The following SLC4A2 variants were observed in gnomAD, a reference collection of about 807,000 sequenced individuals.
SLC4A2 encodes the protein anion exchange protein 2.
Under a neutral mutation model 115.0 loss-of-function variants are expected in SLC4A2, and 36 were observed. The ratio of observed to expected loss-of-function variants is 0.31; its 90% CI spans 0.24 to 0.41. The LOEUF is 0.41. Among genes scored for constraint, SLC4A2 ranks in the 10% least tolerant of loss-of-function variants. The probability of loss-of-function intolerance (pLI) is 1.00; values close to 1 mark genes in which losing one functional copy is unlikely to be tolerated. For synonymous variants in SLC4A2, 708 were observed against 708.3 expected (o/e 1.00, Z 0.01); for missense variants, 1,252 against 1,705.6 (o/e 0.73, Z 4.68).
chr7:151,072,180 C>T (rs1331782097), intron 16 of SLC4A2, 44 bp downstream of exon 16: 2 of 1,561,616 alleles, frequency 1.3e-6, no homozygotes, highest in Admixed American at 1.7e-5. Flanking sequence ...GGGCCGAGGT[C>T]TCAGGGCTGG....
chr7:151,063,236 CCAGGGCTCGGGCCGGGGGCCTGGGG>C (rs1319971326), intron 2 of SLC4A2: 1 of 1,285,764 alleles, frequency 7.8e-7, no homozygotes, highest in Non-Finnish European at 1.0e-6. Flanking sequence ...GGGACCTGGC[CCAGGGCTCGGGCCGGGGGCCTGGGG>C]GCTGGGGGAG....
chr7:151,069,943 C>G lies in SLC4A2; in HGVS notation c.1148-4C>G, dbSNP rs777652126. On this transcript the variant is annotated splice_polypyrimidine_tract_variant and splice_region_variant and intron_variant, in intron 8 of 22. Coordinates refer to ENST00000413384, the MANE Select transcript of SLC4A2 (RefSeq NM_003040.4). ...GAGGGGCCCTCTGTGCCATCTTATG[C>G]TAGGGGCTGTGCTCTTGGATCTGGA... 6.2e-7 allele frequency: 1 copy of G among 1,613,836 alleles called. No homozygotes were observed.
chr7:151,058,545 C>T (rs967607528), upstream of SLC4A2: 6 of 152,490 alleles, frequency 3.9e-5, no homozygotes, highest in Non-Finnish European at 8.8e-5. Flanking sequence ...GGACACACGC[C>T]AAAGACCCCC....
At position 151,076,319 on chromosome 7, in the gene SLC4A2, T is replaced by C. The variant is rs1797642127; in HGVS notation, c.3678T>C (p.Asp1226=). Residue 1226 remains aspartate, a synonymous_variant, in exon 23 of 23, where the codon GAT becomes GAC. Coordinates refer to ENST00000413384, the MANE Select transcript of SLC4A2 (RefSeq NM_003040.4). ...CTAACGAGGCAGAGCCGGTGTTTGA[T>C]GAGCGGGAGGGTGTGGACGAGTACA... The part of the protein sequence containing the change: ...LDANEAEPVF[D]EREGVDEYNE... The C allele has an allele frequency of 6.5e-7, 1 of 1,547,088 alleles. No individual in the cohort carries two copies. The highest frequency in any genetic ancestry group is 8.7e-7 in the Non-Finnish European group (1 of 1,144,250).
In SLC4A2 at chr7:151,062,031, T is replaced by G; in HGVS notation, c.44T>G (p.Phe15Cys). The change falls in exon 2 of 23, where the codon TTC becomes TGC. Residue 15 changes from phenylalanine (F) to cysteine (C), a missense_variant. Coordinates refer to ENST00000413384, the MANE Select transcript of SLC4A2 (RefSeq NM_003040.4). ...PRRPAKGADSFCTPEPESLGP... is the reference protein window; with the variant it reads ...PRRPAKGADSCCTPEPESLGP... ...CGCCCCGCCAAGGGCGCAGATTCTT[T>G]CTGTACGGTGAGTGTGGCCCCCAGG... The G allele has an allele frequency of 1.2e-6, 2 of 1,610,902 alleles. No individual in the cohort carries two copies. Among genetic ancestry groups the G allele is most frequent in the Non-Finnish European group, 1.7e-6 (2 of 1,179,642 alleles).
At chr7:151,062,124 GGTGTGAGCGT>G (rs1216727498) in intron 2 of SLC4A2, 86 bp downstream of exon 2, 24 of 1,001,610 alleles carry the variant, frequency 2.4e-5, no homozygotes, top group Non-Finnish European at 2.8e-5. Context: ...GCCAACCAGG[GGTGTGAGCGT>G]GTGTGAGTGT....
At chr7:151,066,496 A>G (rs1797236972) in intron 5 of SLC4A2, 21 bp from the exon 6 acceptor site, 1 of 1,477,860 alleles carries the variant, frequency 6.8e-7, no homozygotes, top group Non-Finnish European at 9.0e-7. Flanking sequence ...TCTCGGGCTC[A>G]CGGCCATTCT....
At position 151,070,496 on chromosome 7, in the gene SLC4A2, C is replaced by T. The variant is rs775566263; in HGVS notation, c.1489C>T (p.Arg497Cys). Residue 497 changes from arginine to cysteine, a missense_variant, in exon 11 of 23, where the codon CGC becomes TGC. Transcript: ENST00000413384. Reference protein sequence around the residue: ...PPPAPPAGITRSKSKHELKLL... With the variant: ...PPPAPPAGITCSKSKHELKLL... The stretch of plus-strand genomic sequence containing the variant: ...TCCAGCACCACCAGCTGGCATCACC[C>T]GCTCCAAGTCCAAGCACGAGCTGAA... 1.9e-6 allele frequency: 3 copies of T among 1,613,626 alleles called. No homozygotes were observed. Among genetic ancestry groups the T allele is most frequent in the Middle Eastern group, 1.7e-4 (1 of 6,058 alleles).
chr7:151,064,737 G>T lies in SLC4A2; in HGVS notation c.429G>T (p.Pro143=). The T allele has an allele frequency of 6.2e-7, 1 of 1,610,962 alleles. No individual in the cohort carries two copies. Among genetic ancestry groups the T allele is most frequent in the African/African-American group, 1.3e-5 (1 of 74,968 alleles). Residue 143 remains proline, a synonymous_variant, in exon 4 of 23, where the codon CCG becomes CCT. Coordinates refer to ENST00000413384, the MANE Select transcript of SLC4A2 (RefSeq NM_003040.4). ...EAEGARALTQ[P]SPVSTPSSVQ... ...AGGGGGCCCGGGCTCTCACTCAGCCGTCCCCTGTCTCCACACCCTCCTCGG... is the reference window on the plus strand; with the variant it reads ...AGGGGGCCCGGGCTCTCACTCAGCCTTCCCCTGTCTCCACACCCTCCTCGG...
Position 151,075,715 on chromosome 7 carries a change from G to A in SLC4A2, c.3411G>A (p.Glu1137=). The change falls in exon 21 of 23, where the codon GAG becomes GAA. Residue 1137 remains glutamate, a synonymous_variant. Transcript: ENST00000413384. The part of the protein sequence containing the change: ...VTSLNGIQFY[E]RLHLLLMPPK... ...CCCTTAACGGGATCCAGTTCTATGA[G>A]CGGCTGCATCTGCTGCTCATGCCGC... 2 of 1,611,584 alleles carry A rather than the reference G, an allele frequency of 1.2e-6. No individual in the cohort carries two copies. Among genetic ancestry groups the A allele is most frequent in the Non-Finnish European group, 1.7e-6 (2 of 1,178,082 alleles).
At position 151,072,273 on chromosome 7, in the gene SLC4A2, C is replaced by A. The variant is rs1797467636; in HGVS notation, c.2535+137C>A. On this transcript the variant is annotated intron_variant, in intron 16 of 22. Coordinates refer to ENST00000413384, the MANE Select transcript of SLC4A2 (RefSeq NM_003040.4). ...CGGGGCTTGTTGCCAACACGTATACCAGGGCTGCAGATTACTCTTTTAATT... is the reference window on the plus strand; with the variant it reads ...CGGGGCTTGTTGCCAACACGTATACAAGGGCTGCAGATTACTCTTTTAATT... The A allele has an allele frequency of 1.2e-5, 8 of 657,084 alleles. No individual in the cohort carries two copies. In the South Asian group the frequency reaches 1.5e-4, roughly 12 times the overall value. The allele number at this position is 657,084 out of a possible 1,614,324, so 40.7% of individuals were successfully genotyped here.
rs373320216 is a variant in SLC4A2, at chr7:151,075,713, G to C, written c.3409G>C (p.Glu1137Gln). ...CTCCCTTAACGGGATCCAGTTCTATGAGCGGCTGCATCTGCTGCTCATGCC... is the reference window on the plus strand; with the variant it reads ...CTCCCTTAACGGGATCCAGTTCTATCAGCGGCTGCATCTGCTGCTCATGCC... ...VTSLNGIQFY[E>Q]RLHLLLMPPK... is the part of the protein sequence containing the mutation. The change falls in exon 21 of 23, where the codon GAG becomes CAG. Residue 1137 changes from glutamate to glutamine, a missense_variant. Glu to Gln is a conservative substitution (Grantham distance 29). Around this residue, in one of 14 missense-constraint regions of SLC4A2, gnomAD observed 253 missense variants for 407.4 expected, o/e 0.62. Coordinates refer to ENST00000413384, the MANE Select transcript of SLC4A2 (RefSeq NM_003040.4). 3 of 1,611,668 alleles carry C rather than the reference G, an allele frequency of 1.9e-6. No homozygotes were observed. The highest frequency in any genetic ancestry group is 4.5e-5 in the East Asian group (2 of 44,766).
In SLC4A2 at chr7:151,064,894, C is replaced by T. The variant is rs1797180153; in HGVS notation, c.506C>T (p.Thr169Ile). The T allele has an allele frequency of 1.2e-6, 2 of 1,613,966 alleles. No individual in the cohort carries two copies. Among genetic ancestry groups the T allele is most frequent in the Non-Finnish European group, 1.7e-6 (2 of 1,179,980 alleles). Residue 169 changes from threonine to isoleucine, a missense_variant, in exon 5 of 23, where the codon ACC (threonine) becomes ATC (isoleucine). Coordinates refer to ENST00000413384, the MANE Select transcript of SLC4A2 (RefSeq NM_003040.4). ...DDSADRKAERTSPSSPAPLPH... is the reference protein window; with the variant it reads ...DDSADRKAERISPSSPAPLPH... ...AGTGCTGACCGGAAGGCAGAGAGGA[C>T]CAGTCCATCTTCCCCTGCACCACTG...
At chr7:151,063,152 C>G (rs1260362068) in intron 2 of SLC4A2, 9 of 1,502,470 alleles carry the variant, frequency 6.0e-6, no homozygotes, top group Non-Finnish European at 8.0e-6. Flanking sequence ...GCCGGCTGTG[C>G]CGGCCGGCCG....
intron 5 of SLC4A2, among the ~76,000 whole-genome samples, chr7:151,066,171 A>C (rs555292462): frequency 6.6e-6 from 1 of 152,202 alleles, no homozygotes; most frequent in Non-Finnish European, 1.5e-5. Context: ...TTTCTGCACC[A>C]GGACCTGCAC....
At position 151,075,406 on chromosome 7, in the gene SLC4A2, G is replaced by A. The variant is rs755156900; in HGVS notation, c.3199G>A (p.Ala1067Thr). Residue 1067 changes from alanine (A) to threonine (T), a missense_variant, in exon 20 of 23, where the codon GCG becomes ACG. This residue lies in a region of SLC4A2 where 253 missense variants were observed against 407.4 expected (regional missense o/e 0.62). Coordinates refer to ENST00000413384, the MANE Select transcript of SLC4A2 (RefSeq NM_003040.4). ...TGTCCGCTCTGTCACTCACGCCAAC[G>A]CGCTCACTGTCATGAGCAAGGCTGT... ...ATVRSVTHAN[A>T]LTVMSKAVAP... is the part of the protein sequence containing the mutation. 8 of 1,609,048 alleles carry A rather than the reference G, an allele frequency of 5.0e-6. No homozygotes were observed. Among genetic ancestry groups the A allele is most frequent in the Middle Eastern group, 1.6e-4 (1 of 6,084 alleles).
Position 151,061,934 on chromosome 7 carries a change from C to T in SLC4A2, c.-54C>T. 6.4e-7 allele frequency: 1 copy of T among 1,563,122 alleles called. No homozygotes were observed. The highest frequency in any genetic ancestry group is 1.1e-5 in the South Asian group (1 of 88,018). ...CCTCTCCCCCATCCAGGTTATGCCT[C>T]CGCCTCGTTGCCCTGAAAGCCGCAG... On this transcript the variant is annotated 5_prime_UTR_variant, in exon 2 of 23. Coordinates refer to ENST00000413384, the MANE Select transcript of SLC4A2 (RefSeq NM_003040.4).
intron 19 of SLC4A2, 167 bp from the exon 20 acceptor site, chr7:151,075,088 G>C (rs775672456): frequency 1.9e-6 from 2 of 1,070,904 alleles, no homozygotes; most frequent in African/African-American, 3.1e-5. Context: ...GATAAGGGCT[G>C]GGGGCCCAGG....
chr7:151,062,758 G>T, intron 2 of SLC4A2: 7 of 1,385,220 alleles, frequency 5.1e-6, no homozygotes, highest in Non-Finnish European at 6.5e-6. Context: ...TGGTGGGAGT[G>T]GGGCTGGGCG....
Sources: allele counts gnomAD v4.1 joint callset (sites outside exome capture counted in the v4.1 genomes callset), GRCh38; gene constraint gnomAD v4.1.1; regional missense constraint gnomAD v4.1.1; transcripts MANE v1.5; gene names NCBI Gene and HGNC (gene_info 2026-07-23, HGNC 2026-07-21).